KIRREL1: variants seen among roughly 807,000 people sequenced by gnomAD.
KIRREL1 encodes the protein kirre like nephrin family adhesion molecule 1.
KIRREL1 carries 25 observed loss-of-function variants against 83.3 expected under a neutral mutation model. The observed-to-expected ratio is 0.30, with a 90% confidence interval of 0.22 to 0.42. KIRREL1 has a LOEUF of 0.42. Ranked by LOEUF, KIRREL1 falls within the 10% of genes least tolerant of loss-of-function variation. The probability of loss-of-function intolerance (pLI) is 1.00; values close to 1 mark genes in which losing one functional copy is unlikely to be tolerated. For synonymous variants in KIRREL1, 388 were observed against 410.4 expected (o/e 0.95, Z 0.66); for missense variants, 812 against 1,032.3 (o/e 0.79, Z 2.92).
chr1:158,064,393 C>G (rs1340607676), intron 1 of KIRREL1, among the ~76,000 whole-genome samples: 1 of 152,180 alleles, frequency 6.6e-6, no homozygotes, highest in African/African-American at 2.4e-5. Context: ...GAATTCCTTC[C>G]TTTAAACTTT....
At chr1:158,088,538 G>A (rs1032242002) in intron 8 of KIRREL1, 84 bp downstream of exon 8, 1 of 1,208,852 alleles carries the variant, frequency 8.3e-7, no homozygotes, top group South Asian at 1.8e-5. Flanking sequence ...AGGCTGGAGT[G>A]CAGTGGCGCG....
In KIRREL1 at chr1:158,094,217, C is replaced by CA. The variant is rs1571005572; in HGVS notation, c.1720-95dup. The CA allele has an allele frequency of 2.2e-5, 22 of 1,008,946 alleles. No homozygotes were observed. In the East Asian group the frequency reaches 5.7e-4, roughly 26 times the overall value. The allele number at this position is 1,008,946 out of a possible 1,614,324, so 62.5% of individuals were successfully genotyped here. A position where few individuals can be genotyped will look rare whatever the true frequency, so the allele number is the denominator to read the frequency against. On this transcript the variant is annotated intron_variant, in intron 13 of 14. Coordinates refer to ENST00000359209, the MANE Select transcript of KIRREL1 (RefSeq NM_018240.7). This position sits in a 1 kb window ranked among gnomAD's most constrained non-coding sequence, Gnocchi z 4.6. ...TCTGCCCTTGACCTCAGACCCCACC[C>CA]ATGAGCAGGTGGCCTCTGAGCGTGG...
At chr1:158,018,217 T>C (rs769134427) in intron 1 of KIRREL1, among the ~76,000 whole-genome samples, 15 of 152,130 alleles carry the variant, frequency 9.9e-5, no homozygotes, top group Non-Finnish European at 2.2e-4. Flanking sequence ...GTCAGAATTG[T>C]CAGGAGTTAG....
chr1:158,034,961 A>C (rs1163921947), intron 1 of KIRREL1, among the ~76,000 whole-genome samples: 1 of 152,158 alleles, frequency 6.6e-6, no homozygotes, highest in East Asian at 1.9e-4. Flanking sequence ...TATATTTTCT[A>C]TTTAACAAAC....
intron 1 of KIRREL1, among the ~76,000 whole-genome samples, chr1:158,053,816 T>C (rs1660970471): frequency 6.6e-6 from 1 of 152,198 alleles, no homozygotes; most frequent in Non-Finnish European, 1.5e-5. Flanking sequence ...CCCCAATGCT[T>C]GTTTGCTAGT....
At chr1:158,083,801 T>C (rs531059297) in intron 3 of KIRREL1, among the ~76,000 whole-genome samples, 1 of 152,246 alleles carries the variant, frequency 6.6e-6, no homozygotes, top group East Asian at 1.9e-4. Flanking sequence ...AGTTTGAGGC[T>C]TCCATCTGTA....
intron 1 of KIRREL1, among the ~76,000 whole-genome samples, chr1:158,052,524 A>T (rs1660935745): frequency 6.6e-6 from 1 of 152,130 alleles, no homozygotes. Flanking sequence ...TCACGCCTGT[A>T]ATCCCAGCAC....
At chr1:158,077,356 G>A (rs905168624) in intron 2 of KIRREL1, among the ~76,000 whole-genome samples, 1 of 152,172 alleles carries the variant, frequency 6.6e-6, no homozygotes, top group African/African-American at 2.4e-5. Context: ...TCTGGACAGA[G>A]GGAGATCATG....
Position 158,094,395 on chromosome 1 carries a change from G to A in KIRREL1, c.1797+5G>A. The A allele has an allele frequency of 6.2e-7, 1 of 1,612,470 alleles. No individual in the cohort carries two copies. ...CGGGAGGAGTATGAGATGAAGGTGG[G>A]AAAGGGGGAAGGGGCCAGGGCATGA... On this transcript the variant is annotated splice_donor_5th_base_variant and intron_variant, in intron 14 of 14. Transcript: ENST00000359209. The surrounding 1 kb of genome is among the most constrained non-coding windows in gnomAD (Gnocchi z 4.6).
chr1:158,042,838 C>T (rs1033761946), intron 1 of KIRREL1, among the ~76,000 whole-genome samples: 1 of 150,404 alleles, frequency 6.6e-6, no homozygotes, highest in African/African-American at 2.5e-5. Flanking sequence ...CTTTGGGAGG[C>T]CAAGGTGGGA....
chr1:158,083,170 T>C (rs879291453), intron 3 of KIRREL1, among the ~76,000 whole-genome samples: 91 of 152,180 alleles, frequency 6.0e-4, no homozygotes, highest in Admixed American at 3.1e-3. Context: ...CATCGGTCAA[T>C]TGAATTCTTT....
At chr1:158,022,118 TG>T (rs1244668277) in intron 1 of KIRREL1, among the ~76,000 whole-genome samples, 20 of 152,188 alleles carry the variant, frequency 1.3e-4, no homozygotes, top group East Asian at 5.8e-4. Flanking sequence ...TTTTGGGTTC[TG>T]GAGAAGTGGG....
intron 1 of KIRREL1, among the ~76,000 whole-genome samples, chr1:158,071,806 A>G (rs1233368021): frequency 6.6e-6 from 1 of 152,152 alleles, no homozygotes; most frequent in Non-Finnish European, 1.5e-5. Context: ...CCAGGCAACC[A>G]GGACCTGAGA....
chr1:158,072,172 C>T (rs1411907934), intron 1 of KIRREL1, among the ~76,000 whole-genome samples: 1 of 152,100 alleles, frequency 6.6e-6, no homozygotes, highest in Non-Finnish European at 1.5e-5. Flanking sequence ...CATTGTTCCT[C>T]CTCTCACTGA....
chr1:158,084,640 C>T, intron 4 of KIRREL1, 61 bp downstream of exon 4: 1 of 1,515,508 alleles, frequency 6.6e-7, no homozygotes, highest in Non-Finnish European at 8.9e-7. Flanking sequence ...CTCTCCTTTC[C>T]CACAGGGGTT....
Position 158,094,879 on chromosome 1 carries a change from C to A in KIRREL1, c.2033C>A (p.Thr678Lys), listed in dbSNP as rs201145714. 2.5e-5 allele frequency: 41 copies of A among 1,613,914 alleles called. No individual in the cohort carries two copies. Among genetic ancestry groups the A allele is most frequent in the Middle Eastern group, 1.6e-4 (1 of 6,084 alleles). ...CCTGCTGCCCCAGCTGGCACTGACA[C>A]AACCAGCCAGCTGTCCTACGAGAAC... ...PGPAAPAGTD[T>K]TSQLSYENYE... is the part of the protein sequence containing the mutation. Residue 678 changes from threonine to lysine, a missense_variant, in exon 15 of 15, where the codon ACA becomes AAA. Physicochemically the swap from Thr to Lys is moderately conservative, Grantham distance 78 (BLOSUM62 -1). Coordinates refer to ENST00000359209, the MANE Select transcript of KIRREL1 (RefSeq NM_018240.7). The surrounding 1 kb of genome is among the most constrained non-coding windows in gnomAD (Gnocchi z 4.6).
intron 1 of KIRREL1, among the ~76,000 whole-genome samples, chr1:158,054,535 C>T (rs1333598477): frequency 6.6e-6 from 1 of 152,146 alleles, no homozygotes; most frequent in South Asian, 2.1e-4. Context: ...CTGTCCCTGT[C>T]CTCAAATAAC....
intron 1 of KIRREL1, among the ~76,000 whole-genome samples, chr1:158,067,546 G>T (rs192095679): frequency 2.6e-5 from 4 of 152,354 alleles, no homozygotes; most frequent in Non-Finnish European, 5.9e-5. Context: ...GGACATTAGA[G>T]ATGGGAAGGC....
chr1:158,003,409 G>T (rs768579467), intron 1 of KIRREL1, among the ~76,000 whole-genome samples: 1 of 152,146 alleles, frequency 6.6e-6, no homozygotes, highest in Non-Finnish European at 1.5e-5. Flanking sequence ...GAGACAGTGG[G>T]ACTCCTGGGT....
Sources: allele counts gnomAD v4.1 joint callset (sites outside exome capture counted in the v4.1 genomes callset), GRCh38; gene constraint gnomAD v4.1.1; non-coding constraint Gnocchi (gnomAD v3.1); transcripts MANE v1.5; gene names NCBI Gene and HGNC (gene_info 2026-07-23, HGNC 2026-07-21).